The following PDE4B variants were observed in gnomAD, a reference collection of about 807,000 sequenced individuals.
PDE4B encodes the protein phosphodiesterase 4B.
Under a neutral mutation model 82.2 loss-of-function variants are expected in PDE4B, and 20 were observed. The ratio of observed to expected loss-of-function variants is 0.24; its 90% CI spans 0.17 to 0.35. The LOEUF is 0.35. Among genes scored for constraint, PDE4B ranks in the 10% least tolerant of loss-of-function variants. PDE4B has a pLI of 1.00. For missense variants in PDE4B, 655 were observed against 907.2 expected, an observed-to-expected ratio of 0.72 and a Z score of 3.57; for synonymous variants, 320 against 318.9, an observed-to-expected ratio of 1.00 and a Z score of -0.04.
intron 3 of PDE4B, among the ~76,000 whole-genome samples, chr1:66,141,885 T>C (rs910740162): frequency 1.1e-4 from 16 of 152,088 alleles, no homozygotes; most frequent in Admixed American, 6.6e-4. Flanking sequence ...TTGAACAACA[T>C]AGGCATTAGG....
intron 3 of PDE4B, among the ~76,000 whole-genome samples, chr1:65,996,689 A>G (rs964137748): frequency 3.9e-5 from 6 of 152,144 alleles, no homozygotes; most frequent in African/African-American, 1.4e-4. Flanking sequence ...AGGTGTTTAT[A>G]CTCCATTCAT....
At chr1:66,114,223 A>G (rs757679559) in intron 3 of PDE4B, among the ~76,000 whole-genome samples, 4 of 152,166 alleles carry the variant, frequency 2.6e-5, no homozygotes, top group Non-Finnish European at 4.4e-5. Context: ...CAGCACCTTG[A>G]TCTCGGACTT....
intron 8 of PDE4B, among the ~76,000 whole-genome samples, chr1:66,352,529 G>T (rs1017550308): frequency 6.6e-6 from 1 of 152,140 alleles, no homozygotes; most frequent in African/African-American, 2.4e-5. Context: ...TCCTCTTATA[G>T]CCTTTTATGA....
At chr1:66,060,972 G>A (rs1221933280) in intron 3 of PDE4B, among the ~76,000 whole-genome samples, 1 of 151,858 alleles carries the variant, frequency 6.6e-6, no homozygotes, top group Non-Finnish European at 1.5e-5. Context: ...GAATGTCACT[G>A]AATGTCATAA....
intron 3 of PDE4B, among the ~76,000 whole-genome samples, chr1:66,217,793 A>T (rs2101595240): frequency 6.6e-6 from 1 of 152,168 alleles, no homozygotes; most frequent in East Asian, 1.9e-4. Flanking sequence ...TGTATCTGGG[A>T]TCTTTCAAAC....
At chr1:66,277,422 G>A (rs537939325) in intron 7 of PDE4B, among the ~76,000 whole-genome samples, 40 of 152,150 alleles carry the variant, frequency 2.6e-4, no homozygotes, top group East Asian at 9.6e-4. Flanking sequence ...TTGAGACAGA[G>A]TCTTGCTCTG....
At chr1:65,993,980 C>G (rs1019095573) in intron 3 of PDE4B, among the ~76,000 whole-genome samples, 2 of 152,066 alleles carry the variant, frequency 1.3e-5, no homozygotes, top group African/African-American at 2.4e-5. Flanking sequence ...AGCCAGGCCA[C>G]TTCAGATTTT....
At chr1:66,232,876 C>G (rs141285451) in intron 3 of PDE4B, among the ~76,000 whole-genome samples, 1 of 152,014 alleles carries the variant, frequency 6.6e-6, no homozygotes. Flanking sequence ...ATGGAGACAG[C>G]AATAAAGACA....
At chr1:66,301,251 T>C (rs898056898) in intron 7 of PDE4B, among the ~76,000 whole-genome samples, 10 of 152,136 alleles carry the variant, frequency 6.6e-5, no homozygotes, top group Non-Finnish European at 1.5e-4. Context: ...ATTTCAGAAA[T>C]CCAACTTGGA....
intron 3 of PDE4B, among the ~76,000 whole-genome samples, chr1:65,964,144 G>C (rs1649692739): frequency 6.6e-6 from 1 of 152,038 alleles, no homozygotes; most frequent in South Asian, 2.1e-4. Flanking sequence ...CAGGCACATG[G>C]GTGAGCTGAC....
intron 9 of PDE4B, among the ~76,000 whole-genome samples, chr1:66,356,835 A>G (rs1431748174): frequency 6.6e-6 from 1 of 152,212 alleles, no homozygotes; most frequent in Non-Finnish European, 1.5e-5. Context: ...TGTCTGCAGC[A>G]CTTGATTTTC....
intron 8 of PDE4B, among the ~76,000 whole-genome samples, chr1:66,337,543 C>A (rs1253084224): frequency 2.0e-5 from 3 of 152,122 alleles, no homozygotes; most frequent in Non-Finnish European, 4.4e-5. Context: ...GGGCTCACGA[C>A]GGCTGCTCAC....
At chr1:66,084,835 G>A (rs1656923193) in intron 3 of PDE4B, among the ~76,000 whole-genome samples, 1 of 152,166 alleles carries the variant, frequency 6.6e-6, no homozygotes, top group South Asian at 2.1e-4. Context: ...CTGGGAACAA[G>A]GCAGAGTCCC....
At chr1:66,237,118 C>A (rs1434498384) in intron 3 of PDE4B, among the ~76,000 whole-genome samples, 1 of 152,152 alleles carries the variant, frequency 6.6e-6, no homozygotes, top group Non-Finnish European at 1.5e-5. Flanking sequence ...TCTGAAATAT[C>A]ATTTTTCCAC....
intron 7 of PDE4B, among the ~76,000 whole-genome samples, chr1:66,288,465 A>G (rs1656841306): frequency 6.6e-6 from 1 of 152,134 alleles, no homozygotes. Flanking sequence ...ATATTTGTAT[A>G]GTTCTTAGAC....
chr1:66,264,979 T>C (rs1171911417), intron 6 of PDE4B, among the ~76,000 whole-genome samples: 1 of 152,250 alleles, frequency 6.6e-6, no homozygotes, highest in Non-Finnish European at 1.5e-5. Flanking sequence ...TGCGTATCCA[T>C]GTTTGAGAAC....
chr1:65,844,061 C>T (rs1225202024), intron 1 of PDE4B, among the ~76,000 whole-genome samples: 2 of 152,090 alleles, frequency 1.3e-5, no homozygotes, highest in African/African-American at 2.4e-5. Flanking sequence ...GAGAAACTAA[C>T]TGTATTTACC....
intron 3 of PDE4B, among the ~76,000 whole-genome samples, chr1:66,188,283 G>A (rs1310376331): frequency 2.6e-5 from 4 of 151,306 alleles, no homozygotes; most frequent in African/African-American, 9.7e-5. Context: ...AATAGGTGTG[G>A]TGTGGTGCTG....
At chr1:65,821,262 C>G (rs1645949328) in intron 1 of PDE4B, among the ~76,000 whole-genome samples, 1 of 152,210 alleles carries the variant, frequency 6.6e-6, no homozygotes, top group East Asian at 1.9e-4. Context: ...CTTAAGGTTG[C>G]AGGAGAGTAA....
Sources: gnomAD v4.1 joint callset for allele counts (sites outside exome capture counted in the v4.1 genomes callset) on GRCh38, gnomAD v4.1.1 for gene constraint, MANE v1.5 for transcripts, NCBI Gene and HGNC (gene_info 2026-07-23, HGNC 2026-07-21) for gene names.